The following DENND1A variants were observed in gnomAD, a reference collection of about 807,000 sequenced individuals.
DENND1A encodes the protein DENN domain containing 1A, also known as DENN domain-containing protein 1A.
Under a neutral mutation model 113.7 loss-of-function variants are expected in DENND1A, and 51 were observed. The ratio of observed to expected loss-of-function variants is 0.45; its 90% CI spans 0.36 to 0.57. The LOEUF (loss-of-function observed/expected upper bound fraction) is 0.57. DENND1A is among the 20% of genes least tolerant of loss of function. DENND1A has a pLI of 0.00. For missense variants in DENND1A, 1,258 were observed against 1,395.9 expected, an observed-to-expected ratio of 0.90 and a Z score of 1.57; for synonymous variants, 565 against 570.8, an observed-to-expected ratio of 0.99 and a Z score of 0.14.
chr9:123,919,114 C>T (rs1855756561), intron 1 of DENND1A, among the ~76,000 whole-genome samples: 1 of 152,104 alleles, frequency 6.6e-6, no homozygotes, highest in Non-Finnish European at 1.5e-5. Context: ...CAAACGAATC[C>T]ACCGTTTTTT....
rs540820090 is a variant in DENND1A, at chr9:123,414,368, G to A, written c.1489-2539C>T. The A allele has an allele frequency of 2.2e-5, 31 of 1,420,304 alleles. No individual in the cohort carries two copies. The Admixed American group carries it at 4.3e-4, about 20-fold the overall frequency. 88.0% of individuals were successfully genotyped at this position (1,420,304 alleles called of 1,614,324 possible). On this transcript the variant is annotated intron_variant, in intron 19 of 23. Coordinates refer to ENST00000394215, the MANE Select transcript of DENND1A (RefSeq NM_001352964.2). ...CAGCCTCTCCCCCTCCCAGTCCATC[G>A]CCTACATTTGTTTCCAGAGAGGACT...
chr9:123,516,342 C>T (rs2053911838), intron 13 of DENND1A, among the ~76,000 whole-genome samples: 2 of 151,700 alleles, frequency 1.3e-5, no homozygotes, highest in East Asian at 1.9e-4. Context: ...AAGGTTAATA[C>T]TAAAAAATAT....
intron 11 of DENND1A, among the ~76,000 whole-genome samples, chr9:123,585,470 C>A (rs1054155737): frequency 6.6e-6 from 1 of 152,194 alleles, no homozygotes; most frequent in Non-Finnish European, 1.5e-5. Flanking sequence ...ATACAAAAAA[C>A]GAGTTCATAT....
chr9:123,571,656 C>T lies in DENND1A; in HGVS notation c.867+11513G>A, dbSNP rs532360213. ...GTTACTACAGAATACTGAGTAAATACATAAACATAAGGGATATAATACATT... is the reference window on the plus strand; with the variant it reads ...GTTACTACAGAATACTGAGTAAATATATAAACATAAGGGATATAATACATT... On this transcript the variant is annotated intron_variant, in intron 12 of 23. Coordinates refer to ENST00000394215, the MANE Select transcript of DENND1A (RefSeq NM_001352964.2). Among the ~76,000 whole-genome samples the T allele has an allele frequency of 6.6e-5, 10 of 151,074 alleles. No homozygotes were observed. In the East Asian group the frequency reaches 1.2e-3, roughly 17 times the overall value.
At chr9:123,459,208 C>T (rs531277639) in intron 13 of DENND1A, among the ~76,000 whole-genome samples, 1 of 152,128 alleles carries the variant, frequency 6.6e-6, no homozygotes, top group African/African-American at 2.4e-5. Flanking sequence ...ACCCTGTTAC[C>T]TGAGTTCCAT....
intron 13 of DENND1A, among the ~76,000 whole-genome samples, chr9:123,546,016 G>A (rs2056651579): frequency 6.6e-6 from 1 of 152,104 alleles, no homozygotes; most frequent in South Asian, 2.1e-4. Flanking sequence ...AACTGCCGTG[G>A]TGGCTTCAGC....
intron 5 of DENND1A, among the ~76,000 whole-genome samples, chr9:123,693,095 A>C (rs944045890): frequency 3.9e-5 from 6 of 152,116 alleles, no homozygotes; most frequent in African/African-American, 1.4e-4. Flanking sequence ...AATAAACTCC[A>C]CCCATTCTAT....
chr9:123,720,756 T>C (rs1489747517), intron 5 of DENND1A, among the ~76,000 whole-genome samples: 2 of 152,224 alleles, frequency 1.3e-5, no homozygotes, highest in African/African-American at 2.4e-5. Flanking sequence ...CAAGATTGAC[T>C]TCCTGCTGCC....
intron 15 of DENND1A, among the ~76,000 whole-genome samples, chr9:123,456,530 TG>T: frequency 6.6e-6 from 1 of 152,178 alleles, no homozygotes; most frequent in South Asian, 2.1e-4. Context: ...GAAACAGGGC[TG>T]GGTATGGTGG....
intron 11 of DENND1A, among the ~76,000 whole-genome samples, chr9:123,594,165 C>A (rs971845211): frequency 1.3e-5 from 2 of 152,194 alleles, no homozygotes; most frequent in Admixed American, 6.5e-5. Context: ...TCTTCTCCAA[C>A]TGCACTCCTA....
intron 13 of DENND1A, among the ~76,000 whole-genome samples, chr9:123,529,802 T>C (rs1440127553): frequency 6.6e-6 from 1 of 152,222 alleles, no homozygotes; most frequent in Non-Finnish European, 1.5e-5. Flanking sequence ...TACTTCACTA[T>C]GCTAGGGTTT....
At chr9:123,617,770 C>T (rs566018020) in intron 10 of DENND1A, among the ~76,000 whole-genome samples, 1 of 151,914 alleles carries the variant, frequency 6.6e-6, no homozygotes, top group Non-Finnish European at 1.5e-5. Flanking sequence ...CAATGAGAAC[C>T]GTAATAGCTA....
At chr9:123,417,328 G>A (rs528497332) in intron 19 of DENND1A, among the ~76,000 whole-genome samples, 1 of 152,194 alleles carries the variant, frequency 6.6e-6, no homozygotes, top group Admixed American at 6.5e-5. Flanking sequence ...GAAGGACACT[G>A]GATTTTAATA....
chr9:123,903,420 A>G (rs1391550298), intron 1 of DENND1A, among the ~76,000 whole-genome samples: 1 of 151,668 alleles, frequency 6.6e-6, no homozygotes, highest in Non-Finnish European at 1.5e-5. Flanking sequence ...AGCGTGAGCA[A>G]CACAGAAGAT....
Position 123,556,507 on chromosome 9 carries a change from T to C in DENND1A, c.993+1063A>G, listed in dbSNP as rs148073627. Among the ~76,000 whole-genome samples, 642 of 152,346 alleles carry C rather than the reference T, an allele frequency of 4.2e-3. 1 individual carries two copies. The highest frequency in any genetic ancestry group is 0.015 in the African/African-American group (609 of 41,584). On this transcript the variant is annotated intron_variant, in intron 13 of 23. Transcript: ENST00000394215. ...AATCAGAATTTCTATAAAGAATGCA[T>C]TGTCTCACATCCCCTCATCTTTTGT... is the stretch of plus-strand genomic sequence containing the variant.
At chr9:123,793,515 T>C (rs1199873820) in intron 2 of DENND1A, among the ~76,000 whole-genome samples, 1 of 152,204 alleles carries the variant, frequency 6.6e-6, no homozygotes, top group African/African-American at 2.4e-5. Context: ...GTCAGAATAA[T>C]ATCTATTTGA....
chr9:123,450,218 A>G (rs558663125), intron 18 of DENND1A, among the ~76,000 whole-genome samples: 29 of 152,228 alleles, frequency 1.9e-4, no homozygotes, highest in African/African-American at 6.5e-4. Flanking sequence ...GGGCGAGGTA[A>G]GCCCACGGCA....
chr9:123,385,531 G>A (rs1309388780), intron 22 of DENND1A, among the ~76,000 whole-genome samples: 1 of 152,312 alleles, frequency 6.6e-6, no homozygotes, highest in East Asian at 1.9e-4. Flanking sequence ...GATGGTGCCC[G>A]TGGCACTGGT....
At chr9:123,578,580 C>T (rs1301634994) in intron 12 of DENND1A, among the ~76,000 whole-genome samples, 1 of 152,178 alleles carries the variant, frequency 6.6e-6, no homozygotes, top group Non-Finnish European at 1.5e-5. Context: ...AGCGTAGATG[C>T]CATGTTTTAC....
Sources: allele counts gnomAD v4.1 joint callset (sites outside exome capture counted in the v4.1 genomes callset), GRCh38; gene constraint gnomAD v4.1.1; transcripts MANE v1.5; gene names NCBI Gene and HGNC (gene_info 2026-07-23, HGNC 2026-07-21).